The following UXS1 variants were observed in gnomAD, a reference collection of about 807,000 sequenced individuals.
UXS1 encodes the protein UDP-glucuronic acid decarboxylase 1.
In UXS1, 33 loss-of-function variants were observed where a neutral mutation model predicts 62.6. The observed-to-expected ratio is 0.53, with a 90% CI of 0.40 to 0.70. UXS1 has a LOEUF of 0.70. UXS1 is among the 30% of genes least tolerant of loss of function. The pLI, the probability that UXS1 is intolerant of heterozygous loss-of-function variation, is 0.00. For synonymous variants in UXS1, 213 were observed against 206.8 expected (o/e 1.03, Z -0.26); for missense variants, 434 against 556.3 (o/e 0.78, Z 2.21).
At chr2:106,107,130 A>G (rs573921649) in intron 10 of UXS1, among the ~76,000 whole-genome samples, 1 of 152,182 alleles carries the variant, frequency 6.6e-6, no homozygotes, top group South Asian at 2.1e-4. Flanking sequence ...TGTCCTGCCC[A>G]TTGCCTCTGT....
chr2:106,156,289 T>C (rs1003788592), intron 5 of UXS1, among the ~76,000 whole-genome samples: 1 of 152,050 alleles, frequency 6.6e-6, no homozygotes, highest in East Asian at 1.9e-4. Context: ...AAAAAGATGC[T>C]CAACACCATG....
chr2:106,136,769 G>C (rs1259386146), intron 6 of UXS1, among the ~76,000 whole-genome samples: 1 of 57,362 alleles, frequency 1.7e-5, no homozygotes, highest in Non-Finnish European at 3.3e-5. Context: ...TGGTGGGGTC[G>C]GGGGAGGGGG....
Position 106,137,531 on chromosome 2 carries a change from G to C in UXS1, c.472+7659C>G, listed in dbSNP as rs376450778. 3.6e-4 allele frequency among the ~76,000 whole-genome samples: 55 copies of C among 152,184 alleles called. No individual in the cohort carries two copies. The South Asian group carries it at 0.011, about 31-fold the overall frequency. On this transcript the variant is annotated intron_variant, in intron 6 of 14. Transcript: ENST00000283148. ...GGGCCAGGCACAATGGCTCACACCT[G>C]TAATCCTAGCACTTTGGGAGGCCGA...
chr2:106,106,817 C>T (rs764467111), intron 10 of UXS1, among the ~76,000 whole-genome samples: 4 of 152,138 alleles, frequency 2.6e-5, no homozygotes, highest in South Asian at 4.1e-4. Context: ...ACACCAGTGC[C>T]GTAGGTGTAA....
At chr2:106,104,494 C>T (rs1016695486) in intron 11 of UXS1, among the ~76,000 whole-genome samples, 2 of 152,186 alleles carry the variant, frequency 1.3e-5, no homozygotes, top group Non-Finnish European at 2.9e-5. Context: ...TCTCTTAACT[C>T]CACCTGCGCT....
At chr2:106,110,676 A>G (rs1678512865) in intron 10 of UXS1, among the ~76,000 whole-genome samples, 1 of 152,152 alleles carries the variant, frequency 6.6e-6, no homozygotes, top group South Asian at 2.1e-4. Context: ...TACAAATCCA[A>G]TAATTAGTCC....
chr2:106,099,569 T>G (rs953727472), intron 12 of UXS1, among the ~76,000 whole-genome samples: 2 of 152,152 alleles, frequency 1.3e-5, no homozygotes, highest in Non-Finnish European at 2.9e-5. Flanking sequence ...AAAGTGATTC[T>G]GCCTTTCTCC....
intron 7 of UXS1, among the ~76,000 whole-genome samples, chr2:106,126,827 G>A (rs1679998891): frequency 6.6e-6 from 1 of 152,044 alleles, no homozygotes; most frequent in Admixed American, 6.6e-5. Context: ...CCACTGAAAC[G>A]GACATTCCAT....
chr2:106,129,537 A>G, intron 7 of UXS1, 137 bp downstream of exon 7: 1 of 756,698 alleles, frequency 1.3e-6, no homozygotes, highest in South Asian at 1.6e-5. Flanking sequence ...CAAAACTGCC[A>G]AATACCACAA....
At chr2:106,155,869 A>T (rs570831953) in intron 5 of UXS1, among the ~76,000 whole-genome samples, 11 of 152,320 alleles carry the variant, frequency 7.2e-5, no homozygotes, top group Non-Finnish European at 1.3e-4. Context: ...TATCCAAAAG[A>T]ATGATGACCT....
intron 5 of UXS1, 132 bp from the exon 6 acceptor site, chr2:106,145,502 C>A (rs1458014185): frequency 7.8e-6 from 9 of 1,161,260 alleles, no homozygotes; most frequent in Non-Finnish European, 9.4e-6. Flanking sequence ...GGAAGGAAGA[C>A]AGCAAAGGTT....
At chr2:106,099,820 G>A (rs1677442358) in intron 12 of UXS1, among the ~76,000 whole-genome samples, 1 of 152,174 alleles carries the variant, frequency 6.6e-6, no homozygotes, top group Non-Finnish European at 1.5e-5. Flanking sequence ...GTTCTGGTCT[G>A]TTTTAAGTGA....
rs113063974 is a variant in UXS1, at chr2:106,167,568, T to C, written c.95-1485A>G. On this transcript the variant is annotated intron_variant, in intron 1 of 14. Transcript: ENST00000283148. ...AAGAAGGGGAATGTTGCTAATTCCA[T>C]AGAAGCACATCTCTCTTCAAACAGA... Among the ~76,000 whole-genome samples the C allele has an allele frequency of 1.3e-3, 201 of 152,002 alleles. 1 individual carries two copies. Among genetic ancestry groups the C allele is most frequent in the African/African-American group, 4.6e-3 (192 of 41,464 alleles).
chr2:106,118,649 G>A (rs935603885), intron 9 of UXS1, among the ~76,000 whole-genome samples: 1 of 152,106 alleles, frequency 6.6e-6, no homozygotes, highest in Non-Finnish European at 1.5e-5. Context: ...AAAATTCCAG[G>A]GAGCTTCTCT....
At chr2:106,111,778 C>T (rs377526890) in intron 10 of UXS1, among the ~76,000 whole-genome samples, 1 of 152,334 alleles carries the variant, frequency 6.6e-6, no homozygotes. Context: ...CTGGAATACA[C>T]TCAATTGATA....
intron 4 of UXS1, among the ~76,000 whole-genome samples, 177 bp from the exon 5 acceptor site, chr2:106,158,295 T>G (rs1048090834): frequency 6.6e-6 from 1 of 152,210 alleles, no homozygotes; most frequent in African/African-American, 2.4e-5. Context: ...GGTCAAGAGC[T>G]ATATAACCTG....
chr2:106,157,471 A>G (rs1284399055), intron 5 of UXS1, among the ~76,000 whole-genome samples: 1 of 152,216 alleles, frequency 6.6e-6, no homozygotes, highest in Non-Finnish European at 1.5e-5. Context: ...TACTTCCTCA[A>G]AAAGTTAAAC....
chr2:106,143,437 A>AAAAAAAAAAAAAAAAAAAG (rs1558719544), intron 6 of UXS1, among the ~76,000 whole-genome samples: 1 of 122,750 alleles, frequency 8.1e-6, no homozygotes, highest in Non-Finnish European at 1.9e-5. Context: ...AAAAAAAAAA[A>AAAAAAAAAAAAAAAAAAAG]AGGTATAATT....
chr2:106,163,850 C>T (rs1027166789), intron 3 of UXS1, 140 bp from the exon 4 acceptor site: 10 of 474,920 alleles, frequency 2.1e-5, no homozygotes, highest in Non-Finnish European at 3.8e-5. Flanking sequence ...AATTAAGATA[C>T]ACCACTTGCA....
Sources: gnomAD v4.1 joint callset for allele counts (sites outside exome capture counted in the v4.1 genomes callset) on GRCh38, gnomAD v4.1.1 for gene constraint, MANE v1.5 for transcripts, NCBI Gene and HGNC (gene_info 2026-07-23, HGNC 2026-07-21) for gene names.